KARS1: variants seen among roughly 807,000 people sequenced by gnomAD.
The protein encoded by KARS1 is lysyl-tRNA synthetase 1, also known as lysine--tRNA ligase.
A neutral mutation model predicts 63.9 loss-of-function variants in KARS1; 50 were observed. That is an observed-to-expected ratio of 0.78 (90% confidence interval 0.62 to 0.99). The LOEUF (loss-of-function observed/expected upper bound fraction) is 0.99, where lower values mean the gene tolerates loss of function less well. KARS1 is among the 50% of genes least tolerant of loss of function. The pLI is 0.00. For missense variants in KARS1, 816 were observed against 754.5 expected, an observed-to-expected ratio of 1.08 and a Z score of -0.95; for synonymous variants, 320 against 264.6, an observed-to-expected ratio of 1.21 and a Z score of -2.03.
At chr16:75,628,418 G>T in intron 13 of KARS1, 151 bp downstream of exon 13, 1 of 851,062 alleles carries the variant, frequency 1.2e-6, no homozygotes, top group Non-Finnish European at 1.9e-6. Context: ...AGAGGCTCTG[G>T]CCCTCCTGTG....
In KARS1 at chr16:75,635,730, T is replaced by G. The variant is rs541638681; in HGVS notation, c.745A>C (p.Lys249Gln). The change falls in exon 6 of 14, where the codon AAG becomes CAG. Residue 249 changes from lysine to glutamine, a missense_variant. Coordinates refer to ENST00000302445, the MANE Select transcript of KARS1 (RefSeq NM_005548.3). Reference sequence around the variant, plus strand: ...AAACTTCTTATATATGTGATGATCTTAGAGCGGATGATAAATTTCTGCCTC... The same window carrying G: ...AAACTTCTTATATATGTGATGATCTGAGAGCGGATGATAAATTTCTGCCTC... The part of the protein sequence containing the change: ...FVRQKFIIRS[K>Q]IITYIRSFLD... The G allele has an allele frequency of 1.9e-6, 3 of 1,614,128 alleles. No homozygotes were observed. Among genetic ancestry groups the G allele is most frequent in the Middle Eastern group, 1.6e-4 (1 of 6,062 alleles).
At position 75,641,711 on chromosome 16, in the gene KARS1, T is replaced by C. The variant is rs5030748; in HGVS notation, c.75A>G (p.Arg25=). 0.093 allele frequency: 149,821 copies of C among 1,613,536 alleles called. 7,895 individuals carry two copies. Among genetic ancestry groups the C allele is most frequent in the Non-Finnish European group, 0.11 (129,660 of 1,179,736 alleles). ...EPKLSKNELK[R]RLKAEKKVAE... is the part of the protein sequence containing the mutation. Reference sequence around the variant, plus strand: ...CTACTTTCTTCTCAGCTTTCAGGCGTCTCTTCAGCTCACTGTTGGAAAGAT... The same window carrying C: ...CTACTTTCTTCTCAGCTTTCAGGCGCCTCTTCAGCTCACTGTTGGAAAGAT... Residue 25 remains arginine (R), a synonymous_variant, in exon 2 of 14, where the codon AGA becomes AGG. Transcript: ENST00000302445.
intron 3 of KARS1, 116 bp downstream of exon 3, chr16:75,640,068 T>C (rs1042025020): frequency 2.4e-6 from 2 of 839,702 alleles, no homozygotes; most frequent in East Asian, 2.4e-5. Flanking sequence ...CTTAGTAAAG[T>C]AGCTTCAGAC....
chr16:75,631,421 G>C lies in KARS1; in HGVS notation c.1247C>G (p.Thr416Ser). Residue 416 changes from threonine (T) to serine (S), a missense_variant, in exon 9 of 14, where the codon ACT (threonine) becomes AGT (serine). Physicochemically the swap from Thr to Ser is moderately conservative, Grantham distance 58. Coordinates refer to ENST00000302445, the MANE Select transcript of KARS1 (RefSeq NM_005548.3). ...AGTGAGTGTTGTCACTTTACCTTCA[G>C]TTTCAAAGAGGTTCGTTTCTGGCAG... ...MKLPETNLFETEETRKILDDI... is the reference protein window; with the variant it reads ...MKLPETNLFESEETRKILDDI... 6.2e-7 allele frequency: 1 copy of C among 1,614,112 alleles called. No homozygotes were observed. The highest frequency in any genetic ancestry group is 2.2e-5 in the East Asian group (1 of 44,882).
chr16:75,643,823 G>A (rs1001707275), intron 1 of KARS1, among the ~76,000 whole-genome samples: 10 of 152,330 alleles, frequency 6.6e-5, no homozygotes, highest in African/African-American at 2.4e-4. Context: ...AATTCAGTCA[G>A]TGGACTGCTA....
intron 13 of KARS1, 138 bp from the exon 14 acceptor site, chr16:75,628,131 GTTCTT>G: frequency 1.4e-6 from 1 of 709,166 alleles, no homozygotes; most frequent in South Asian, 1.5e-5. Flanking sequence ...AGGCTCATGT[GTTCTT>G]TTATTTCAAC....
chr16:75,636,228 G>T, intron 4 of KARS1, 130 bp from the exon 5 acceptor site: 1 of 718,840 alleles, frequency 1.4e-6, no homozygotes, highest in Non-Finnish European at 2.4e-6. Context: ...CAGATTCAGG[G>T]GCCACTATTA....
intron 7 of KARS1, among the ~76,000 whole-genome samples, chr16:75,632,192 A>G (rs968118119): frequency 4.6e-5 from 7 of 152,116 alleles, no homozygotes; most frequent in Non-Finnish European, 7.4e-5. Flanking sequence ...GCCCGGCCCC[A>G]TGACAGCTAA....
intron 7 of KARS1, among the ~76,000 whole-genome samples, chr16:75,632,816 T>C (rs556190038): frequency 1.8e-4 from 28 of 152,254 alleles, no homozygotes; most frequent in African/African-American, 2.4e-4. Context: ...AAGGGAAATA[T>C]TGGGGAAAGT....
intron 1 of KARS1, among the ~76,000 whole-genome samples, chr16:75,646,670 A>T (rs1202578130): frequency 2.0e-5 from 3 of 151,300 alleles, no homozygotes; most frequent in Non-Finnish European, 4.4e-5. Flanking sequence ...TCCCTGAAGG[A>T]CCACTACCTC....
intron 7 of KARS1, among the ~76,000 whole-genome samples, chr16:75,633,758 C>G (rs1402898315): frequency 2.0e-5 from 3 of 152,224 alleles, no homozygotes; most frequent in Admixed American, 2.0e-4. Flanking sequence ...CTCAAGTGAT[C>G]CATCCGCCTT....
At chr16:75,634,389 C>T (rs2082141970) in intron 6 of KARS1, 97 bp from the exon 7 acceptor site, 1 of 1,257,518 alleles carries the variant, frequency 8.0e-7, no homozygotes, top group East Asian at 2.5e-5. Context: ...CTGTTATACC[C>T]CAAACTAAAT....
rs769484182 is a variant in KARS1 at position 75,631,236 on chromosome 16, C to T, written c.1270G>A (p.Asp424Asn). 8 of 1,613,926 alleles carry T rather than the reference C, an allele frequency of 5.0e-6. No homozygotes were observed. The highest frequency in any genetic ancestry group is 1.7e-5 in the Admixed American group (1 of 59,982). The change falls in exon 10 of 14, where the codon GAT (aspartate) becomes AAT (asparagine). Residue 424 changes from aspartate (D) to asparagine (N), a missense_variant. By Grantham distance (23) the Asp-to-Asn change is conservative. Coordinates refer to ENST00000302445, the MANE Select transcript of KARS1 (RefSeq NM_005548.3). ...FETEETRKIL[D>N]DICVAKAVEC... ...ACAGCTTTTGCCACACAGATATCAT[C>T]AAGAATTTTGCGAGTTTCTGGGACA...
intron 10 of KARS1, 92 bp downstream of exon 10, chr16:75,631,076 T>A: frequency 2.1e-6 from 2 of 956,390 alleles, no homozygotes; most frequent in Non-Finnish European, 3.3e-6. Context: ...GCTGCAGAAA[T>A]GAACTCTCCC....
chr16:75,627,987 G>A lies in KARS1; in HGVS notation c.1702C>T (p.Leu568Phe), dbSNP rs768349236. ...LTDSNNIKEV[L>F]LFPAMKPEDK... ...TCGGGTTTCATGGCAGGAAACAGAA[G>A]TACTTCCTGTGGGAGATAAGAATGT... Residue 568 changes from leucine (L) to phenylalanine (F), a missense_variant, in exon 14 of 14, where the codon CTT (leucine) becomes TTT (phenylalanine). Physicochemically the swap from Leu to Phe is conservative, Grantham distance 22. Coordinates refer to ENST00000302445, the MANE Select transcript of KARS1 (RefSeq NM_005548.3). 6.3e-6 allele frequency: 10 copies of A among 1,585,786 alleles called. No homozygotes were observed. The East Asian group carries it at 2.2e-4, about 35-fold the overall frequency.
chr16:75,647,624 C>G lies in KARS1; in HGVS notation c.16G>C (p.Ala6Pro). MAAVQAAEVKVDGSEP... is the reference protein window; with the variant it reads MAAVQPAEVKVDGSEP... ...CTGCCATCCACTTTCACCTCGGCCG[C>G]CTGCACGGCCGCCATCTTCCCGGAG... Residue 6 changes from alanine (A) to proline (P), a missense_variant, in exon 1 of 14, where the codon GCG becomes CCG. Physicochemically the swap from Ala to Pro is conservative, Grantham distance 27 (BLOSUM62 -1). Transcript: ENST00000302445. 1 of 1,613,760 alleles carries G rather than the reference C, an allele frequency of 6.2e-7. No individual in the cohort carries two copies.
At chr16:75,631,385 TACAACGGAGG>T in intron 9 of KARS1, 21 bp downstream of exon 9, 1 of 1,612,058 alleles carries the variant, frequency 6.2e-7, no homozygotes, top group Middle Eastern at 1.6e-4. Flanking sequence ...AGGAGGGCCT[TACAACGGAGG>T]AGTGAGTGTT....
At chr16:75,628,778 G>C in intron 12 of KARS1, 66 bp from the exon 13 acceptor site, 1 of 1,556,144 alleles carries the variant, frequency 6.4e-7, no homozygotes, top group Non-Finnish European at 8.9e-7. Context: ...GAGTGAACAT[G>C]TTACCAGGCT....
At chr16:75,629,730 C>T (rs889234803) in intron 11 of KARS1, among the ~76,000 whole-genome samples, 189 bp from the exon 12 acceptor site, 10 of 152,166 alleles carry the variant, frequency 6.6e-5, no homozygotes, top group South Asian at 2.1e-4. Context: ...CTTGAGTAGC[C>T]GGGATCACAG....
Sources: allele counts gnomAD v4.1 joint callset (sites outside exome capture counted in the v4.1 genomes callset), GRCh38; gene constraint gnomAD v4.1.1; transcripts MANE v1.5; gene names NCBI Gene and HGNC (gene_info 2026-07-23, HGNC 2026-07-21).